Variants in ZBTB20 observed in about 807,000 individuals in gnomAD.
ZBTB20 encodes the protein zinc finger and BTB domain-containing protein 20.
In ZBTB20, 9 loss-of-function variants were observed where a neutral mutation model predicts 56.9. The observed-to-expected ratio is 0.16, with a 90% CI of 0.10 to 0.28. The LOEUF is 0.28. Among genes scored for constraint, ZBTB20 ranks in the 10% least tolerant of loss-of-function variants. The pLI is 1.00. For synonymous variants in ZBTB20, 417 were observed against 420.7 expected (o/e 0.99, Z 0.11); for missense variants, 655 against 1,003.0 (o/e 0.65, Z 4.69).
chr3:114,803,146 T>TC (rs2071846526), intron 4 of ZBTB20, among the ~76,000 whole-genome samples: 1 of 151,338 alleles, frequency 6.6e-6, no homozygotes, highest in East Asian at 1.9e-4. Context: ...TTTTTTTTTT[T>TC]CTCTTGGTGA....
chr3:115,111,728 G>A (rs911732100), intron 1 of ZBTB20, among the ~76,000 whole-genome samples: 4 of 152,136 alleles, frequency 2.6e-5, no homozygotes, highest in African/African-American at 7.2e-5. Context: ...CTTAATAAGT[G>A]TATAGAAATA....
At chr3:114,749,389 T>G (rs766520281) in intron 5 of ZBTB20, among the ~76,000 whole-genome samples, 10 of 151,972 alleles carry the variant, frequency 6.6e-5, no homozygotes, top group Non-Finnish European at 1.2e-4. Context: ...CCGTCGCTAC[T>G]AAAAATACAA....
chr3:114,717,901 T>G (rs776164830), intron 5 of ZBTB20, among the ~76,000 whole-genome samples: 1 of 152,160 alleles, frequency 6.6e-6, no homozygotes, highest in Non-Finnish European at 1.5e-5. Flanking sequence ...GGGATACCCC[T>G]CTTTTCAACT....
intron 2 of ZBTB20, among the ~76,000 whole-genome samples, chr3:114,998,554 A>G (rs1033785249): frequency 6.6e-6 from 1 of 151,774 alleles, no homozygotes; most frequent in Non-Finnish European, 1.5e-5. Flanking sequence ...TATTATTTCA[A>G]TAACTAAGGT....
chr3:114,381,753 T>C (rs1018580624), intron 8 of ZBTB20, among the ~76,000 whole-genome samples: 21 of 152,222 alleles, frequency 1.4e-4, no homozygotes, highest in African/African-American at 4.8e-4. Flanking sequence ...TTATGATTAG[T>C]ATGCTGTGTT....
At chr3:115,145,508 G>A (rs1401090508) in intron 1 of ZBTB20, among the ~76,000 whole-genome samples, 1 of 116,276 alleles carries the variant, frequency 8.6e-6, no homozygotes, top group Admixed American at 8.6e-5. Flanking sequence ...CCTAATACAA[G>A]TAAATGCCAT....
intron 7 of ZBTB20, among the ~76,000 whole-genome samples, chr3:114,484,258 T>C (rs1461301152): frequency 6.6e-6 from 1 of 152,164 alleles, no homozygotes; most frequent in African/African-American, 2.4e-5. Context: ...CCTAAATTAG[T>C]TTTGATCAAC....
intron 5 of ZBTB20, among the ~76,000 whole-genome samples, chr3:114,736,434 A>G (rs899302990): frequency 1.3e-5 from 2 of 151,970 alleles, no homozygotes; most frequent in South Asian, 4.1e-4. Context: ...TGTTCTATTG[A>G]GGTTTCTTTT....
At chr3:114,909,234 G>A (rs1293379551) in intron 3 of ZBTB20, among the ~76,000 whole-genome samples, 2 of 151,740 alleles carry the variant, frequency 1.3e-5, no homozygotes, top group East Asian at 3.9e-4. Context: ...CCTGGCTAAT[G>A]TGTGCATTTT....
At chr3:114,802,068 G>A (rs939515155) in intron 4 of ZBTB20, among the ~76,000 whole-genome samples, 2 of 151,370 alleles carry the variant, frequency 1.3e-5, no homozygotes, top group Admixed American at 6.6e-5. Context: ...TCACACACTA[G>A]AATTAAATCA....
intron 6 of ZBTB20, among the ~76,000 whole-genome samples, chr3:114,667,958 T>C (rs2061152727): frequency 6.6e-6 from 1 of 151,970 alleles, no homozygotes; most frequent in African/African-American, 2.4e-5. Flanking sequence ...TATAAAATGC[T>C]ATAAGACTCT....
intron 7 of ZBTB20, among the ~76,000 whole-genome samples, chr3:114,473,330 G>A (rs2040364063): frequency 6.6e-6 from 1 of 152,224 alleles, no homozygotes; most frequent in South Asian, 2.1e-4. Flanking sequence ...ATAAAGGAGA[G>A]AGGTGGAGTA....
intron 6 of ZBTB20, among the ~76,000 whole-genome samples, chr3:114,504,333 T>C (rs912375527): frequency 6.6e-6 from 1 of 152,278 alleles, no homozygotes; most frequent in Non-Finnish European, 1.5e-5. Flanking sequence ...TTCAGGTACC[T>C]TGAGAAATAA....
At chr3:114,517,723 C>T (rs891247196) in intron 6 of ZBTB20, among the ~76,000 whole-genome samples, 1 of 151,900 alleles carries the variant, frequency 6.6e-6, no homozygotes, top group African/African-American at 2.4e-5. Context: ...TTACAGGCAC[C>T]TGCTACCATG....
chr3:114,895,393 G>A (rs528018479), intron 4 of ZBTB20, among the ~76,000 whole-genome samples: 1 of 152,134 alleles, frequency 6.6e-6, no homozygotes, highest in Non-Finnish European at 1.5e-5. Context: ...TCAGAAGAGG[G>A]ATGAGAGTTG....
At chr3:114,420,234 C>G (rs1458596318) in intron 7 of ZBTB20, among the ~76,000 whole-genome samples, 1 of 152,038 alleles carries the variant, frequency 6.6e-6, no homozygotes, top group African/African-American at 2.4e-5. Context: ...CCCAGGAGAG[C>G]TGGGGGTAAG....
chr3:115,025,420 T>C (rs574034530), intron 2 of ZBTB20, among the ~76,000 whole-genome samples: 1 of 151,466 alleles, frequency 6.6e-6, no homozygotes, highest in South Asian at 2.1e-4. Flanking sequence ...CACATGCATG[T>C]GTCTTTATAA....
intron 11 of ZBTB20, among the ~76,000 whole-genome samples, chr3:114,347,077 GTTTTTTTTTTTTTTTTT>G (rs59044965): frequency 1.7e-4 from 12 of 71,068 alleles, no homozygotes; most frequent in East Asian, 1.5e-3. Flanking sequence ...TTCTCTTCAG[GTTTTTTTTTTTTTTTTT>G]TTTTTTTTTT....
At chr3:114,790,336 A>ACT (rs1287517105) in intron 5 of ZBTB20, among the ~76,000 whole-genome samples, 2 of 151,980 alleles carry the variant, frequency 1.3e-5, no homozygotes, top group African/African-American at 4.8e-5. Flanking sequence ...TTTGTTCCCA[A>ACT]CTCTGTGAAA....
Sources: gnomAD v4.1 joint callset for allele counts (sites outside exome capture counted in the v4.1 genomes callset) on GRCh38, gnomAD v4.1.1 for gene constraint, MANE v1.5 for transcripts, NCBI Gene and HGNC (gene_info 2026-07-23, HGNC 2026-07-21) for gene names.